The following WWOX variants were observed in gnomAD, a reference collection of about 807,000 sequenced individuals.
WWOX encodes WW domain containing oxidoreductase, also known as WW domain-containing oxidoreductase.
Under a neutral mutation model 46.2 loss-of-function variants are expected in WWOX, and 69 were observed. The ratio of observed to expected loss-of-function variants is 1.49; its 90% CI spans 1.23 to 1.82. The LOEUF is 1.82. WWOX is among the 40% of genes most tolerant of loss of function. The pLI is 0.00. For missense variants in WWOX, 919 were observed against 542.6 expected, an observed-to-expected ratio of 1.69 and a Z score of -6.89; for synonymous variants, 359 against 202.6, an observed-to-expected ratio of 1.77 and a Z score of -6.56.
intron 8 of WWOX, among the ~76,000 whole-genome samples, chr16:79,168,118 A>C (rs1007531953): frequency 1.3e-5 from 2 of 152,068 alleles, no homozygotes; most frequent in African/African-American, 4.8e-5. Flanking sequence ...CATCTTGTTT[A>C]TCTGTTCATC....
In WWOX at chr16:78,422,468, C is replaced by G. The variant is rs930237046; in HGVS notation, c.606-2402C>G. ...CAAGTAATCCTCCTATCTCAGCCTC[C>G]GAAGTAGCTGGGACTACAGCCACAC... On this transcript the variant is annotated intron_variant, in intron 6 of 8. Coordinates refer to ENST00000566780, the MANE Select transcript of WWOX (RefSeq NM_016373.4). Among the ~76,000 whole-genome samples the G allele has an allele frequency of 2.0e-5, 3 of 150,734 alleles. No homozygotes were observed. The South Asian group carries it at 6.3e-4, about 32-fold the overall frequency.
intron 8 of WWOX, among the ~76,000 whole-genome samples, chr16:78,451,660 C>T (rs1458694294): frequency 6.6e-6 from 1 of 152,180 alleles, no homozygotes; most frequent in Non-Finnish European, 1.5e-5. Flanking sequence ...GTGCAGGACA[C>T]AGCTGAAACC....
intron 6 of WWOX, among the ~76,000 whole-genome samples, chr16:78,410,980 G>T (rs78297852): frequency 1.7e-4 from 26 of 152,120 alleles, no homozygotes; most frequent in Admixed American, 5.2e-4. Flanking sequence ...TCCCTGCCAT[G>T]TGGGCCTCTT....
At chr16:78,613,495 C>T (rs1026935215) in intron 8 of WWOX, among the ~76,000 whole-genome samples, 3 of 152,134 alleles carry the variant, frequency 2.0e-5, no homozygotes, top group South Asian at 2.1e-4. Flanking sequence ...TCCTCTCCCC[C>T]TTACAAGGGA....
chr16:78,801,116 C>A (rs938271778), intron 8 of WWOX, among the ~76,000 whole-genome samples: 4 of 151,480 alleles, frequency 2.6e-5, no homozygotes, highest in Admixed American at 2.0e-4. Flanking sequence ...TGCAGTGGTG[C>A]AATCTTGGCT....
intron 8 of WWOX, among the ~76,000 whole-genome samples, chr16:79,084,164 G>A (rs12598395): frequency 0.032 from 4,814 of 152,196 alleles, 168 homozygotes; most frequent in East Asian, 0.08. Context: ...GCAGCTCTCA[G>A]GCACTCTTGG....
At chr16:78,693,458 T>G (rs2048033177) in intron 8 of WWOX, among the ~76,000 whole-genome samples, 1 of 152,206 alleles carries the variant, frequency 6.6e-6, no homozygotes, top group Admixed American at 6.5e-5. Context: ...GTTTTCCAGC[T>G]TCTATTTTTT....
At chr16:78,290,820 A>G (rs2079847083) in intron 5 of WWOX, among the ~76,000 whole-genome samples, 1 of 152,208 alleles carries the variant, frequency 6.6e-6, no homozygotes, top group African/African-American at 2.4e-5. Context: ...ACGTATACAA[A>G]TGGTATGACT....
Position 79,211,793 on chromosome 16 carries a change from C to A in WWOX, c.1242C>A (p.Gly414=), listed in dbSNP as rs557367276. Residue 414 remains glycine (G), a synonymous_variant, in exon 9 of 9, where the codon GGC becomes GGA. Transcript: ENST00000566780. The part of the protein sequence containing the change: ...LIQERLGSQS[G] ...AAGAACGGCTTGGCAGCCAGTCCGG[C>A]TAAGTGGAGCTCAGAGCGGATGGGC... is the stretch of plus-strand genomic sequence containing the variant. The A allele has an allele frequency of 6.2e-6, 10 of 1,614,044 alleles. No homozygotes were observed. The highest frequency in any genetic ancestry group is 7.6e-6 in the Non-Finnish European group (9 of 1,179,970).
intron 8 of WWOX, among the ~76,000 whole-genome samples, chr16:78,923,181 A>G (rs1035383542): frequency 3.3e-5 from 5 of 151,890 alleles, no homozygotes; most frequent in African/African-American, 4.8e-5. Context: ...GGGTTTCTCC[A>G]TGTTGGTCAG....
chr16:78,636,971 C>T (rs1005438890), intron 8 of WWOX, among the ~76,000 whole-genome samples: 1 of 152,194 alleles, frequency 6.6e-6, no homozygotes, highest in African/African-American at 2.4e-5. Context: ...TTCCCCTTGT[C>T]TGTGCAATTC....
At chr16:78,185,821 C>T (rs1180912873) in intron 5 of WWOX, among the ~76,000 whole-genome samples, 1 of 149,080 alleles carries the variant, frequency 6.7e-6, no homozygotes, top group East Asian at 2.0e-4. Flanking sequence ...CACCCACCAT[C>T]ACGCCCAGCT....
chr16:78,396,303 G>A (rs939385328), intron 6 of WWOX, among the ~76,000 whole-genome samples: 14 of 150,994 alleles, frequency 9.3e-5, no homozygotes, highest in Admixed American at 5.3e-4. Flanking sequence ...GACATTTGTC[G>A]GAAAAAAAAA....
At chr16:78,741,038 C>G (rs2049212139) in intron 8 of WWOX, among the ~76,000 whole-genome samples, 1 of 152,138 alleles carries the variant, frequency 6.6e-6, no homozygotes, top group Admixed American at 6.5e-5. Flanking sequence ...GGGGCAGTGG[C>G]CAGCAAAGTC....
intron 8 of WWOX, among the ~76,000 whole-genome samples, chr16:78,915,020 A>G (rs967702357): frequency 6.6e-6 from 1 of 152,170 alleles, no homozygotes; most frequent in Non-Finnish European, 1.5e-5. Context: ...CACCAAAAAC[A>G]TAGAAAATGA....
chr16:78,748,344 G>T (rs1262439039), intron 8 of WWOX, among the ~76,000 whole-genome samples: 2 of 152,310 alleles, frequency 1.3e-5, no homozygotes. Context: ...ACCCAGTGGT[G>T]GAAGTGCTTC....
intron 8 of WWOX, among the ~76,000 whole-genome samples, chr16:78,768,154 G>A (rs909251832): frequency 8.8e-6 from 1 of 113,160 alleles, no homozygotes; most frequent in Non-Finnish European, 2.0e-5. Flanking sequence ...TTAGGCTGCG[G>A]GGCGGGGGGG....
chr16:79,091,386 A>C (rs905083653), intron 8 of WWOX, among the ~76,000 whole-genome samples: 1 of 152,106 alleles, frequency 6.6e-6, no homozygotes, highest in African/African-American at 2.4e-5. Context: ...TTTCGTGAGC[A>C]CAGATGAATT....
At chr16:78,793,649 C>CT (rs1203784947) in intron 8 of WWOX, among the ~76,000 whole-genome samples, 1 of 152,032 alleles carries the variant, frequency 6.6e-6, no homozygotes, top group East Asian at 1.9e-4. Flanking sequence ...GCAAAAAAAA[C>CT]TTTTTTTCAG....
Sources: gnomAD v4.1 joint callset for allele counts (sites outside exome capture counted in the v4.1 genomes callset) on GRCh38, gnomAD v4.1.1 for gene constraint, MANE v1.5 for transcripts, NCBI Gene and HGNC (gene_info 2026-07-23, HGNC 2026-07-21) for gene names.